PRPF3: variants seen among roughly 807,000 people sequenced by gnomAD.
PRPF3 encodes the protein pre-mRNA processing factor 3, also known as U4/U6 small nuclear ribonucleoprotein Prp3.
A neutral mutation model predicts 89.2 loss-of-function variants in PRPF3; 3 were observed. The observed-to-expected ratio is 0.03, with a 90% confidence interval of 0.02 to 0.09. The LOEUF is 0.09. Among genes scored for constraint, PRPF3 ranks in the 10% least tolerant of loss-of-function variants. PRPF3 has a pLI of 1.00. For missense variants in PRPF3, 463 were observed against 828.8 expected (o/e 0.56, Z 5.42); for synonymous variants, 270 against 289.1 (o/e 0.93, Z 0.67).
Position 150,346,472 on chromosome 1 carries a change from A to G in PRPF3, c.1824A>G (p.Thr608=), listed in dbSNP as rs781797150. The change falls in exon 14 of 16, where the codon ACA becomes ACG. Residue 608 remains threonine (T), a synonymous_variant. Coordinates refer to ENST00000324862, the MANE Select transcript of PRPF3 (RefSeq NM_004698.4). ...MLHRIKWDEQ[T]SNTKGDDDEE... ...ATCGGATAAAGTGGGATGAACAGAC[A>G]TCTAACACAAAGGGAGATGGTGAAT... is the stretch of plus-strand genomic sequence containing the variant. 2 of 1,613,574 alleles carry G rather than the reference A, an allele frequency of 1.2e-6. No homozygotes were observed. The highest frequency in any genetic ancestry group is 1.7e-6 in the Non-Finnish European group (2 of 1,179,530).
chr1:150,351,507 CT>C (rs369929157), intron 15 of PRPF3, among the ~76,000 whole-genome samples: 12 of 146,176 alleles, frequency 8.2e-5, no homozygotes, highest in Admixed American at 6.9e-5. Flanking sequence ...TTTTAATCAA[CT>C]TTTTTTTTTA....
At chr1:150,325,961 T>C (rs960836856) in intron 3 of PRPF3, 80 bp downstream of exon 3, 123 of 1,539,296 alleles carry the variant, frequency 8.0e-5, no homozygotes, top group Non-Finnish European at 1.1e-4. Flanking sequence ...AGTTCACACG[T>C]TGATATCCTC....
At chr1:150,336,670 C>T (rs1234464166) in intron 7 of PRPF3, among the ~76,000 whole-genome samples, 1 of 151,930 alleles carries the variant, frequency 6.6e-6, no homozygotes, top group Non-Finnish European at 1.5e-5. Flanking sequence ...TCAGGAGAAT[C>T]ACTTGAAACT....
At chr1:150,336,616 C>T (rs957461926) in intron 7 of PRPF3, among the ~76,000 whole-genome samples, 5 of 152,004 alleles carry the variant, frequency 3.3e-5, no homozygotes, top group South Asian at 2.1e-4. Context: ...ATTAACCGAG[C>T]GTGGTGGTGG....
In PRPF3 at chr1:150,337,574, G is replaced by A. The variant is rs1238010446; in HGVS notation, c.1036-586G>A. Among the ~76,000 whole-genome samples, 5 of 151,236 alleles carry A rather than the reference G, an allele frequency of 3.3e-5. No individual in the cohort carries two copies. In the East Asian group the frequency reaches 7.9e-4, roughly 24 times the overall value. ...GGGCGAATCACTAGGTCAGGAGATC[G>A]AGACCATCCTGGCTAACATGGTGAA... is the stretch of plus-strand genomic sequence containing the variant. On this transcript the variant is annotated intron_variant, in intron 7 of 15. Coordinates refer to ENST00000324862, the MANE Select transcript of PRPF3 (RefSeq NM_004698.4).
intron 1 of PRPF3, among the ~76,000 whole-genome samples, chr1:150,322,893 G>A (rs1270977819): frequency 2.1e-5 from 3 of 142,386 alleles, no homozygotes; most frequent in East Asian, 2.0e-4. Flanking sequence ...TTTTTTCCCC[G>A]GGACGGAGTC....
chr1:150,321,647 C>G (rs1304176299), intron 1 of PRPF3, 55 bp downstream of exon 1: 1 of 151,984 alleles, frequency 6.6e-6, no homozygotes, highest in African/African-American at 2.4e-5. Flanking sequence ...CCACTGTGGC[C>G]GGGGACTCAG....
In PRPF3 at chr1:150,343,469, C is replaced by G. The variant is rs1553872015; in HGVS notation, c.1426+17C>G. The G allele has an allele frequency of 1.2e-6, 2 of 1,612,632 alleles. No homozygotes were observed. Among genetic ancestry groups the G allele is most frequent in the South Asian group, 1.1e-5 (1 of 91,060 alleles). ...AACCCAAAGGTGCATTTCTCAGTGG[C>G]CTCTTCTGTTAAAAAGAGTGGCAAG... is the stretch of plus-strand genomic sequence containing the variant. On this transcript the variant is annotated intron_variant, in intron 10 of 15. Transcript: ENST00000324862.
At position 150,332,752 on chromosome 1, in the gene PRPF3, C is replaced by G. The variant is rs781850532; in HGVS notation, c.492C>G (p.Ser164Arg). Residue 164 changes from serine to arginine, a missense_variant, in exon 5 of 16, where the codon AGC (serine) becomes AGG (arginine). By Grantham distance (110) the Ser-to-Arg change is moderately radical (BLOSUM62 -1). Coordinates refer to ENST00000324862, the MANE Select transcript of PRPF3 (RefSeq NM_004698.4). ...EERKKQLSFI[S>R]PPTPQPKTPS... is the part of the protein sequence containing the mutation. ...GGAAAAAACAGCTGAGCTTCATTAGCCCCCCTACACCTCAGGTATTGTGTC... is the reference window on the plus strand; with the variant it reads ...GGAAAAAACAGCTGAGCTTCATTAGGCCCCCTACACCTCAGGTATTGTGTC... The G allele has an allele frequency of 1.9e-6, 3 of 1,613,944 alleles. No homozygotes were observed. The highest frequency in any genetic ancestry group is 1.7e-6 in the Non-Finnish European group (2 of 1,179,894).
rs781991486 is a variant in PRPF3, at chr1:150,343,426, G to C, written c.1400G>C (p.Gly467Ala). 6.2e-7 allele frequency: 1 copy of C among 1,605,386 alleles called. No homozygotes were observed. Among genetic ancestry groups the C allele is most frequent in the Non-Finnish European group, 8.5e-7 (1 of 1,173,924 alleles). Residue 467 changes from glycine (G) to alanine (A), a missense_variant, in exon 10 of 16, where the codon GGC becomes GCC. By Grantham distance (60) the Gly-to-Ala change is moderately conservative (BLOSUM62 0). This residue lies in a region of PRPF3 where 261 missense variants were observed against 475.8 expected (regional missense o/e 0.55). Coordinates refer to ENST00000324862, the MANE Select transcript of PRPF3 (RefSeq NM_004698.4). ...QKELQEKVRL[G>A]LMPPPEPKVR... Reference sequence around the variant, plus strand: ...GAACTACAAGAAAAAGTCAGGCTGGGCCTGATGCCTCCTCCAGAACCCAAA... The same window carrying C: ...GAACTACAAGAAAAAGTCAGGCTGGCCCTGATGCCTCCTCCAGAACCCAAA...
intron 8 of PRPF3, among the ~76,000 whole-genome samples, chr1:150,339,075 A>G (rs1411711597): frequency 6.6e-6 from 1 of 151,984 alleles, no homozygotes; most frequent in African/African-American, 2.4e-5. Flanking sequence ...TAGTAAATAT[A>G]GCATATAAGG....
rs782772697 is a variant in PRPF3, at chr1:150,353,018, T to C, written c.*39T>C. 1.6e-5 allele frequency: 25 copies of C among 1,612,414 alleles called. No individual in the cohort carries two copies. The highest frequency in any genetic ancestry group is 2.0e-5 in the Non-Finnish European group (24 of 1,178,878). On this transcript the variant is annotated 3_prime_UTR_variant, in exon 16 of 16. Transcript: ENST00000324862. ...CCTTGCCTCTCCTCCCTTGCCTTTG[T>C]CTCTTCAGTCCTCTCACTTATTCTA... is the stretch of plus-strand genomic sequence containing the variant.
chr1:150,321,771 G>A (rs1553862071), intron 1 of PRPF3, among the ~76,000 whole-genome samples, 179 bp downstream of exon 1: 1 of 151,840 alleles, frequency 6.6e-6, no homozygotes, highest in African/African-American at 2.4e-5. Flanking sequence ...GGGCGGGGGC[G>A]GGAAGGAGAC....
chr1:150,352,988 C>T lies in PRPF3; in HGVS notation c.*9C>T, dbSNP rs1659097274. 2 of 1,613,894 alleles carry T rather than the reference C, an allele frequency of 1.2e-6. No individual in the cohort carries two copies. The highest frequency in any genetic ancestry group is 1.7e-5 in the Admixed American group (1 of 59,978). On this transcript the variant is annotated 3_prime_UTR_variant, in exon 16 of 16. Transcript: ENST00000324862. ...TAGAGTCCACTGATTGAGACTACTG[C>T]AAGCCCTTGCCTCTCCTCCCTTGCC...
intron 7 of PRPF3, among the ~76,000 whole-genome samples, chr1:150,337,318 C>T (rs1250058776): frequency 6.6e-6 from 1 of 151,872 alleles, no homozygotes; most frequent in African/African-American, 2.4e-5. Context: ...GGATTACAGG[C>T]GTGAGCCACC....
chr1:150,338,189 T>A lies in PRPF3; in HGVS notation c.1065T>A (p.Ile355=). 3.1e-6 allele frequency: 5 copies of A among 1,614,168 alleles called. No individual in the cohort carries two copies. Among genetic ancestry groups the A allele is most frequent in the Non-Finnish European group, 4.2e-6 (5 of 1,180,034 alleles). ...KAQLEKLQAE[I]SQAARKTGIH... Reference sequence around the variant, plus strand: ...AACTGGAGAAGCTACAGGCAGAGATTTCACAAGCAGCTCGAAAAACAGGCA... The same window carrying A: ...AACTGGAGAAGCTACAGGCAGAGATATCACAAGCAGCTCGAAAAACAGGCA... Residue 355 remains isoleucine, a synonymous_variant, in exon 8 of 16, where the codon ATT becomes ATA. Coordinates refer to ENST00000324862, the MANE Select transcript of PRPF3 (RefSeq NM_004698.4).
chr1:150,338,177 A>G lies in PRPF3; in HGVS notation c.1053A>G (p.Leu351=). 2 of 1,614,066 alleles carry G rather than the reference A, an allele frequency of 1.2e-6. No individual in the cohort carries two copies. Among genetic ancestry groups the G allele is most frequent in the Non-Finnish European group, 1.7e-6 (2 of 1,179,998 alleles). The change falls in exon 8 of 16, where the codon CTA becomes CTG. Residue 351 remains leucine, a synonymous_variant. Transcript: ENST00000324862. ...GTTTTTAGGCTCAACTGGAGAAGCT[A>G]CAGGCAGAGATTTCACAAGCAGCTC... is the stretch of plus-strand genomic sequence containing the variant. ...RLRTKAQLEK[L]QAEISQAARK... is the part of the protein sequence containing the mutation.
At chr1:150,342,743 G>A (rs1220201224) in intron 9 of PRPF3, among the ~76,000 whole-genome samples, 1 of 152,004 alleles carries the variant, frequency 6.6e-6, no homozygotes, top group Non-Finnish European at 1.5e-5. Flanking sequence ...GGCTGGTCTC[G>A]ATCTCTTGAC....
intron 14 of PRPF3, 174 bp from the exon 15 acceptor site, chr1:150,348,983 C>A: frequency 1.5e-6 from 1 of 655,300 alleles, no homozygotes; most frequent in South Asian, 1.8e-5. Flanking sequence ...AATATTACTG[C>A]CTACTTGGAG....
Sources: allele counts gnomAD v4.1 joint callset (sites outside exome capture counted in the v4.1 genomes callset), GRCh38; gene constraint gnomAD v4.1.1; regional missense constraint gnomAD v4.1.1; transcripts MANE v1.5; gene names NCBI Gene and HGNC (gene_info 2026-07-23, HGNC 2026-07-21).